Variants in TAAR1 observed in about 807,000 individuals in gnomAD.
TAAR1 encodes trace amine associated receptor 1.
A neutral mutation model predicts 1.2 loss-of-function variants in TAAR1; 1 was observed. That is an observed-to-expected ratio of 0.81 (90% CI 0.29 to 3.86). TAAR1 has a LOEUF of 3.86. Ranked by LOEUF, TAAR1 falls within the 30% of genes most tolerant of loss-of-function variation. TAAR1 has a pLI of 0.18. For synonymous variants in TAAR1, 153 were observed against 132.2 expected (o/e 1.16, Z -1.08); for missense variants, 445 against 405.6 (o/e 1.10, Z -0.83).
At position 132,645,568 on chromosome 6, in the gene TAAR1, T is replaced by C; in HGVS notation, c.436A>G (p.Ile146Val). The change falls in exon 2 of 2, where the codon ATT (isoleucine) becomes GTT (valine). Residue 146 changes from isoleucine (I) to valine (V), a missense_variant. Transcript: ENST00000275216. The stretch of plus-strand genomic sequence containing the variant: ...AAAACAGCAGGGACACTCCAACTAA[T>C]GAAGATCATCACACAAATAACCAAG... ...NILVICVMIFISWSVPAVFAF... is the reference protein window; with the variant it reads ...NILVICVMIFVSWSVPAVFAF... The C allele has an allele frequency of 6.2e-7, 1 of 1,613,668 alleles. No homozygotes were observed. The highest frequency in any genetic ancestry group is 8.5e-7 in the Non-Finnish European group (1 of 1,179,820).
Position 132,647,493 on chromosome 6 carries a change from G to A in TAAR1, c.-126-1364C>T, listed in dbSNP as rs534020669. Among the ~76,000 whole-genome samples, 157 of 148,186 alleles carry A rather than the reference G, an allele frequency of 1.1e-3. 1 individual carries two copies. The highest frequency in any genetic ancestry group is 3.4e-3 in the Middle Eastern group (1 of 292). ...AAAGAGAGAGAAAGAAAGGAAGAAG[G>A]AAGAAAGGAAGGGAGGGAGGGAGGA... On this transcript the variant is annotated intron_variant, in intron 1 of 1. Coordinates refer to ENST00000275216, the MANE Select transcript of TAAR1 (RefSeq NM_138327.4).
chr6:132,644,586 C>G lies in TAAR1; in HGVS notation c.*398G>C, dbSNP rs1025394225. On this transcript the variant is annotated 3_prime_UTR_variant, in exon 2 of 2. Coordinates refer to ENST00000275216, the MANE Select transcript of TAAR1 (RefSeq NM_138327.4). ...AGTTGATTTTACTAAAAGACTTATACACATATGTGACCAGGACATGTATAC... is the reference window on the plus strand; with the variant it reads ...AGTTGATTTTACTAAAAGACTTATAGACATATGTGACCAGGACATGTATAC... Among the ~76,000 whole-genome samples, 2 of 151,954 alleles carry G rather than the reference C, an allele frequency of 1.3e-5. No individual in the cohort carries two copies. Among genetic ancestry groups the G allele is most frequent in the Non-Finnish European group, 2.9e-5 (2 of 67,958 alleles).
chr6:132,645,369 C>G lies in TAAR1; in HGVS notation c.635G>C (p.Arg212Thr), dbSNP rs747705281. Residue 212 changes from arginine (R) to threonine (T), a missense_variant, in exon 2 of 2, where the codon AGA becomes ACA. Arg to Thr is a moderately conservative substitution (Grantham distance 71, BLOSUM62 -1). Transcript: ENST00000275216. ...PGSIMLCVYY[R>T]IYLIAKEQAR... ...CTGTTCTTTAGCGATAAGATATATT[C>G]TGTAATAGACACATAACATAATAGA... 1 of 1,613,332 alleles carries G rather than the reference C, an allele frequency of 6.2e-7. No individual in the cohort carries two copies. Among genetic ancestry groups the G allele is most frequent in the Non-Finnish European group, 8.5e-7 (1 of 1,179,684 alleles).
chr6:132,644,034 A>G lies in TAAR1; in HGVS notation c.*950T>C, dbSNP rs1777630656. 6.6e-6 allele frequency among the ~76,000 whole-genome samples: 1 copy of G among 151,994 alleles called. No homozygotes were observed. The highest frequency in any genetic ancestry group is 1.9e-4 in the East Asian group (1 of 5,190). On this transcript the variant is annotated 3_prime_UTR_variant, in exon 2 of 2. Coordinates refer to ENST00000275216, the MANE Select transcript of TAAR1 (RefSeq NM_138327.4). ...AGATATGACCTTAAGACATGGTAAA[A>G]TCCTTCTAGACATTTTCATGACTTC...
At chr6:132,651,485 CT>C (rs1474241439) in intron 1 of TAAR1, among the ~76,000 whole-genome samples, 1 of 152,164 alleles carries the variant, frequency 6.6e-6, no homozygotes, top group Non-Finnish European at 1.5e-5. Flanking sequence ...CATGACAACT[CT>C]ATTCTTGAAC....
chr6:132,649,150 C>A (rs1777719507), intron 1 of TAAR1, among the ~76,000 whole-genome samples: 1 of 152,120 alleles, frequency 6.6e-6, no homozygotes, highest in African/African-American at 2.4e-5. Flanking sequence ...ATTTCCTAAT[C>A]CAAACCAATT....
At chr6:132,646,346 T>A (rs1013562012) in intron 1 of TAAR1, among the ~76,000 whole-genome samples, 2 of 152,170 alleles carry the variant, frequency 1.3e-5, no homozygotes, top group Admixed American at 6.5e-5. Flanking sequence ...TTGAACTATA[T>A]GAAACTGCCA....
In TAAR1 at chr6:132,646,023, G is replaced by A; in HGVS notation, c.-20C>T. ...CATCATTCCTGAGGGCTGTCAATCA[G>A]TTTACTTTTCCCTTTGTGTGTTGAT... is the stretch of plus-strand genomic sequence containing the variant. On this transcript the variant is annotated 5_prime_UTR_variant, in exon 2 of 2. Coordinates refer to ENST00000275216, the MANE Select transcript of TAAR1 (RefSeq NM_138327.4). 1 of 1,554,422 alleles carries A rather than the reference G, an allele frequency of 6.4e-7. No individual in the cohort carries two copies. Among genetic ancestry groups the A allele is most frequent in the South Asian group, 1.2e-5 (1 of 80,964 alleles).
intron 1 of TAAR1, among the ~76,000 whole-genome samples, chr6:132,653,532 C>T (rs889635773): frequency 6.6e-6 from 1 of 152,214 alleles, no homozygotes; most frequent in Non-Finnish European, 1.5e-5. Context: ...GCAGTTACCA[C>T]ATAATGCTAA....
intron 1 of TAAR1, among the ~76,000 whole-genome samples, chr6:132,652,552 G>A (rs1777760579): frequency 6.7e-6 from 1 of 150,060 alleles, no homozygotes. Context: ...TGATCCGCCT[G>A]CCTCGGCCTC....
rs1777784112 is a variant in TAAR1, at chr6:132,654,670, A to T, written c.-127+4460T>A. Among the ~76,000 whole-genome samples the T allele has an allele frequency of 2.6e-5, 4 of 152,216 alleles. No homozygotes were observed. In the South Asian group the frequency reaches 6.2e-4, roughly 24 times the overall value. On this transcript the variant is annotated intron_variant, in intron 1 of 1. Transcript: ENST00000275216. ...CACCCATGTATACTTTAAAAAGGAA[A>T]CAAATTACTTGCAGAGAGGTGTAAG...
At position 132,645,898 on chromosome 6, in the gene TAAR1, T is replaced by C. The variant is rs762441133; in HGVS notation, c.106A>G (p.Thr36Ala). The change falls in exon 2 of 2, where the codon ACC (threonine) becomes GCC (alanine). Residue 36 changes from threonine to alanine, a missense_variant. Transcript: ENST00000275216. The stretch of plus-strand genomic sequence containing the variant: ...ACTATCAGATTGCCAACGAGTGTGG[T>C]CAGAATTATGAGCACCATTAAACTG... ...LYSLMVLIIL[T>A]TLVGNLIVIV... The C allele has an allele frequency of 4.3e-6, 7 of 1,613,674 alleles. No homozygotes were observed. The East Asian group carries it at 1.1e-4, about 26-fold the overall frequency.
intron 1 of TAAR1, among the ~76,000 whole-genome samples, chr6:132,655,025 CA>C (rs1369223492): frequency 6.6e-6 from 1 of 151,600 alleles, no homozygotes; most frequent in African/African-American, 2.4e-5. Context: ...TCATGACCGC[CA>C]AAAAAAATCC....
In TAAR1 at chr6:132,648,766, GTTTCT is replaced by G. The variant is rs376187579; in HGVS notation, c.-126-2642_-126-2638del. 7.7e-3 allele frequency among the ~76,000 whole-genome samples: 1,167 copies of G among 152,228 alleles called. 15 individuals carry two copies. Among genetic ancestry groups the G allele is most frequent in the African/African-American group, 0.026 (1,079 of 41,552 alleles). On this transcript the variant is annotated intron_variant, in intron 1 of 1. Coordinates refer to ENST00000275216, the MANE Select transcript of TAAR1 (RefSeq NM_138327.4). ...AAGGACCTGGCAAAATAGTGTTTTT[GTTTCT>G]TTTCTTTCAGCTTTAAGAATTTACA... is the stretch of plus-strand genomic sequence containing the variant.
Position 132,645,407 on chromosome 6 carries a change from A to T in TAAR1, c.597T>A (p.Phe199Leu), listed in dbSNP as rs1444318017. The T allele has an allele frequency of 6.2e-7, 1 of 1,613,570 alleles. No homozygotes were observed. Among genetic ancestry groups the T allele is most frequent in the African/African-American group, 1.3e-5 (1 of 74,888 alleles). The change falls in exon 2 of 2, where the codon TTT becomes TTA. Residue 199 changes from phenylalanine to leucine, a missense_variant. Coordinates refer to ENST00000275216, the MANE Select transcript of TAAR1 (RefSeq NM_138327.4). ...ATAACATAATAGATCCAGGTATATAAAAAGAAGTCATAAAGGTCAGTACCC... is the reference window on the plus strand; with the variant it reads ...ATAACATAATAGATCCAGGTATATATAAAGAAGTCATAAAGGTCAGTACCC... ...ISGVLTFMTS[F>L]YIPGSIMLCV... is the part of the protein sequence containing the mutation.
chr6:132,652,322 T>A (rs1777758298), intron 1 of TAAR1, among the ~76,000 whole-genome samples: 3 of 141,500 alleles, frequency 2.1e-5, no homozygotes, highest in Non-Finnish European at 3.0e-5. Flanking sequence ...TTTTTTTTTC[T>A]GAGATGGAGT....
At position 132,644,895 on chromosome 6, in the gene TAAR1, A is replaced by C. The variant is rs1562201534; in HGVS notation, c.*89T>G. The C allele has an allele frequency of 9.0e-7, 1 of 1,115,698 alleles. No homozygotes were observed. Among genetic ancestry groups the C allele is most frequent in the Non-Finnish European group, 1.2e-6 (1 of 806,522 alleles). 69.1% of individuals were successfully genotyped at this position (1,115,698 alleles called of 1,614,324 possible). ...GACTCAAGTAACTGATTTAAAAAAAAATCCATGTGGTTGGTGCATGTGGTT... is the reference window on the plus strand; with the variant it reads ...GACTCAAGTAACTGATTTAAAAAAACATCCATGTGGTTGGTGCATGTGGTT... On this transcript the variant is annotated 3_prime_UTR_variant, in exon 2 of 2. Transcript: ENST00000275216.
Position 132,645,111 on chromosome 6 carries a change from G to A in TAAR1, c.893C>T (p.Thr298Ile), listed in dbSNP as rs1192251275. 4 of 1,612,894 alleles carry A rather than the reference G, an allele frequency of 2.5e-6. No individual in the cohort carries two copies. In the Admixed American group the frequency reaches 5.0e-5, roughly 20 times the overall value. Reference sequence around the variant, plus strand: ...AAATGCATAAACCATTGGATTAAATGTAGAGTTCAAGTAGCCAAACCAAAT... The same window carrying A: ...AAATGCATAAACCATTGGATTAAATATAGAGTTCAAGTAGCCAAACCAAAT... Reference protein sequence around the residue: ...VLIWFGYLNSTFNPMVYAFFY... With the variant: ...VLIWFGYLNSIFNPMVYAFFY... Residue 298 changes from threonine (T) to isoleucine (I), a missense_variant, in exon 2 of 2, where the codon ACA becomes ATA. Transcript: ENST00000275216.
At chr6:132,656,586 G>T (rs769914638) in intron 1 of TAAR1, among the ~76,000 whole-genome samples, 2 of 152,084 alleles carry the variant, frequency 1.3e-5, no homozygotes, top group South Asian at 4.1e-4. Flanking sequence ...CAAATGAACT[G>T]AGGAGTTCAT....
Sources: gnomAD v4.1 joint callset for allele counts (sites outside exome capture counted in the v4.1 genomes callset) on GRCh38, gnomAD v4.1.1 for gene constraint, MANE v1.5 for transcripts, NCBI Gene and HGNC (gene_info 2026-07-23, HGNC 2026-07-21) for gene names.